Variants in SDK2 observed in about 807,000 individuals in gnomAD.
The protein encoded by SDK2 is protein sidekick-2.
Under a neutral mutation model 253.9 loss-of-function variants are expected in SDK2, and 105 were observed. The ratio of observed to expected loss-of-function variants is 0.41; its 90% confidence interval spans 0.35 to 0.49. The LOEUF (loss-of-function observed/expected upper bound fraction) is 0.49, where lower values mean the gene tolerates loss of function less well. SDK2 is among the 20% of genes least tolerant of loss of function. The pLI is 0.06. For synonymous variants in SDK2, 1,249 were observed against 1,234.9 expected (o/e 1.01, Z -0.24); for missense variants, 2,608 against 3,003.0 (o/e 0.87, Z 3.07).
At chr17:73,339,530 T>C (rs1404262985) in intron 44 of SDK2, among the ~76,000 whole-genome samples, 1 of 151,564 alleles carries the variant, frequency 6.6e-6, no homozygotes, top group Non-Finnish European at 1.5e-5. Flanking sequence ...CAAATTTTAT[T>C]TTCTTTCCTT....
rs1015599136 is a variant in SDK2 at position 73,423,243 on chromosome 17, A to C, written c.1897+143T>G. 74 of 726,808 alleles carry C rather than the reference A, an allele frequency of 1.0e-4. No homozygotes were observed. The East Asian group carries it at 2.5e-3, about 25-fold the overall frequency. 45.0% of individuals were successfully genotyped at this position (726,808 alleles called of 1,614,324 possible). A position where few individuals can be genotyped will look rare whatever the true frequency, so the allele number is the denominator to read the frequency against. ...GCAGATGCCTGTGTTTCCTTCAGAG[A>C]TGGGAACGCTGAGGCTGCCAGAGGG... On this transcript the variant is annotated intron_variant, in intron 14 of 44. Coordinates refer to ENST00000392650, the MANE Select transcript of SDK2 (RefSeq NM_001144952.2).
intron 1 of SDK2, among the ~76,000 whole-genome samples, chr17:73,508,862 G>A (rs933140860): frequency 6.6e-6 from 1 of 152,204 alleles, no homozygotes; most frequent in African/African-American, 2.4e-5. Flanking sequence ...CCCAGAGCTT[G>A]TGCCAATGAG....
At chr17:73,426,927 T>C (rs2063288412) in intron 12 of SDK2, among the ~76,000 whole-genome samples, 1 of 151,710 alleles carries the variant, frequency 6.6e-6, no homozygotes, top group South Asian at 2.1e-4. Flanking sequence ...CTACTAAAAA[T>C]ACAAAAAATT....
At chr17:73,574,557 G>A (rs2045432517) in intron 1 of SDK2, among the ~76,000 whole-genome samples, 1 of 152,166 alleles carries the variant, frequency 6.6e-6, no homozygotes, top group African/African-American at 2.4e-5. Flanking sequence ...AGGAGATGGG[G>A]GTGGATCTTT....
In SDK2 at chr17:73,385,616, A is replaced by G. The variant is rs575816978; in HGVS notation, c.4569+231T>C. ...AGGATGACAGCACCTGCCTGATGTG[A>G]CTATCTAGAGAGTGTAATGAGGCGT... is the stretch of plus-strand genomic sequence containing the variant. On this transcript the variant is annotated intron_variant, in intron 32 of 44. Transcript: ENST00000392650. 5.7e-4 allele frequency among the ~76,000 whole-genome samples: 87 copies of G among 152,250 alleles called. 1 individual carries two copies. The highest frequency in any genetic ancestry group is 1.9e-3 in the African/African-American group (81 of 41,564).
intron 2 of SDK2, among the ~76,000 whole-genome samples, chr17:73,479,336 T>C (rs1284960150): frequency 1.3e-5 from 2 of 152,244 alleles, no homozygotes; most frequent in South Asian, 2.1e-4. Flanking sequence ...AGCATGTGCA[T>C]GTCTGTGCGT....
chr17:73,426,929 C>T (rs1358534239), intron 12 of SDK2, among the ~76,000 whole-genome samples: 1 of 151,740 alleles, frequency 6.6e-6, no homozygotes, highest in Non-Finnish European at 1.5e-5. Context: ...ACTAAAAATA[C>T]AAAAAATTAG....
chr17:73,636,491 C>A, intron 1 of SDK2, among the ~76,000 whole-genome samples: 1 of 151,822 alleles, frequency 6.6e-6, no homozygotes, highest in East Asian at 1.9e-4. Flanking sequence ...AGTTTGAGAC[C>A]AGCCTGGCCA....
rs1343156733 is a variant in SDK2 at position 73,570,260 on chromosome 17, C to T, written c.65-62663G>A. Among the ~76,000 whole-genome samples the T allele has an allele frequency of 2.0e-5, 3 of 152,128 alleles. No individual in the cohort carries two copies. The highest frequency in any genetic ancestry group is 7.2e-5 in the African/African-American group (3 of 41,414). ...ACAGCCCGGCCTCAACATGCATCTC[C>T]TACCACCCCATAGGAGTGGTAGACC... On this transcript the variant is annotated intron_variant, in intron 1 of 44. Coordinates refer to ENST00000392650, the MANE Select transcript of SDK2 (RefSeq NM_001144952.2). This position sits in a 1 kb window ranked among gnomAD's most constrained non-coding sequence, Gnocchi z 4.2.
intron 33 of SDK2, among the ~76,000 whole-genome samples, chr17:73,381,383 A>G (rs180834726): frequency 6.6e-6 from 1 of 152,290 alleles, no homozygotes. Context: ...TACACAGGCA[A>G]TATAAAATCA....
intron 12 of SDK2, among the ~76,000 whole-genome samples, chr17:73,426,041 A>ATATTT (rs762591136): frequency 2.0e-5 from 3 of 151,438 alleles, no homozygotes; most frequent in Admixed American, 6.6e-5. Context: ...TCCTATTTTT[A>ATATTT]TATTTTATTT....
intron 1 of SDK2, among the ~76,000 whole-genome samples, chr17:73,620,092 G>C (rs964515826): frequency 6.6e-6 from 1 of 152,032 alleles, no homozygotes; most frequent in Admixed American, 6.6e-5. Context: ...CCAGCTATGT[G>C]GGGGGCTGAG....
At chr17:73,421,607 GCT>G (rs1197638411) in intron 15 of SDK2, among the ~76,000 whole-genome samples, 2 of 93,000 alleles carry the variant, frequency 2.2e-5, no homozygotes, top group African/African-American at 8.6e-5. Flanking sequence ...AGACAGTCTT[GCT>G]CTGTCATCCA....
intron 4 of SDK2, among the ~76,000 whole-genome samples, chr17:73,448,450 T>C (rs1291347200): frequency 6.6e-6 from 1 of 151,988 alleles, no homozygotes; most frequent in East Asian, 1.9e-4. Context: ...CTGCAGCCTC[T>C]GCCTCCCGGG....
chr17:73,589,323 T>C (rs2045650025), intron 1 of SDK2, among the ~76,000 whole-genome samples: 1 of 151,938 alleles, frequency 6.6e-6, no homozygotes, highest in Admixed American at 6.6e-5. Context: ...AGGTGCAGAG[T>C]TGTAGGTGCT....
chr17:73,483,659 GTGTATATA>G (rs1291340339), intron 2 of SDK2, among the ~76,000 whole-genome samples: 2 of 28,096 alleles, frequency 7.1e-5, no homozygotes, highest in Non-Finnish European at 1.6e-4. Context: ...GTGTGTGTGT[GTGTATATA>G]TATATATATA....
intron 37 of SDK2, among the ~76,000 whole-genome samples, chr17:73,366,334 G>T (rs2062685207): frequency 6.6e-6 from 1 of 152,188 alleles, no homozygotes; most frequent in Non-Finnish European, 1.5e-5. Flanking sequence ...ACAAAAGAGT[G>T]GCCGGGACAG....
chr17:73,504,551 GA>G (rs1440289030), intron 2 of SDK2: 2 of 143,180 alleles, frequency 1.4e-5, no homozygotes, highest in Non-Finnish European at 3.0e-5. Flanking sequence ...AGAATGGCGT[GA>G]ACCGGGGAGG....
intron 2 of SDK2, among the ~76,000 whole-genome samples, chr17:73,473,045 G>A (rs909247690): frequency 3.9e-5 from 6 of 152,150 alleles, no homozygotes; most frequent in African/African-American, 1.2e-4. Flanking sequence ...GCGTGAAAAC[G>A]GACTAATAAT....
Sources: gnomAD v4.1 joint callset for allele counts (sites outside exome capture counted in the v4.1 genomes callset) on GRCh38, gnomAD v4.1.1 for gene constraint, Gnocchi (gnomAD v3.1) non-coding constraint, MANE v1.5 for transcripts, NCBI Gene and HGNC (gene_info 2026-07-23, HGNC 2026-07-21) for gene names.